TPH2: variants seen among roughly 807,000 people sequenced by gnomAD.
The protein encoded by TPH2 is tryptophan hydroxylase 2.
TPH2 carries 27 observed loss-of-function variants against 59.1 expected under a neutral mutation model. The ratio of observed to expected loss-of-function variants is 0.46; its 90% CI spans 0.34 to 0.63. The LOEUF is 0.63. Ranked by LOEUF, TPH2 falls within the 30% of genes least tolerant of loss-of-function variation. The pLI is 0.01. For missense variants in TPH2, 523 were observed against 588.3 expected (o/e 0.89, Z 1.15); for synonymous variants, 220 against 210.5 (o/e 1.05, Z -0.39).
intron 5 of TPH2, among the ~76,000 whole-genome samples, chr12:71,970,598 T>C (rs73342883): frequency 0.059 from 8,999 of 152,318 alleles, 410 homozygotes; most frequent in South Asian, 0.17. Flanking sequence ...TTAGCTTTAC[T>C]GGCTTACCCA....
intron 9 of TPH2, among the ~76,000 whole-genome samples, chr12:72,030,009 A>G (rs73346807): frequency 0.033 from 5,074 of 152,198 alleles, 269 homozygotes; most frequent in African/African-American, 0.11. Context: ...AGAGGCTGGG[A>G]TAGAGATTGT....
chr12:71,971,728 AG>A (rs1183987097), intron 5 of TPH2, among the ~76,000 whole-genome samples: 1 of 152,208 alleles, frequency 6.6e-6, no homozygotes, highest in African/African-American at 2.4e-5. Context: ...ACCAGTCACT[AG>A]TACACTACTG....
At chr12:72,001,244 T>C (rs1452169972) in intron 8 of TPH2, among the ~76,000 whole-genome samples, 1 of 152,150 alleles carries the variant, frequency 6.6e-6, no homozygotes, top group African/African-American at 2.4e-5. Context: ...GATTTGTTAC[T>C]GGATCTCAGT....
chr12:71,995,006 T>C (rs1253989366), intron 8 of TPH2, among the ~76,000 whole-genome samples: 2 of 152,122 alleles, frequency 1.3e-5, no homozygotes, highest in Non-Finnish European at 2.9e-5. Context: ...ATATTAGTAA[T>C]AGTAAAAGGT....
chr12:72,002,270 G>A (rs1236706592), intron 8 of TPH2, among the ~76,000 whole-genome samples: 1 of 152,136 alleles, frequency 6.6e-6, no homozygotes, highest in East Asian at 1.9e-4. Context: ...AGAAAGAAAG[G>A]GTGGCCAGTG....
chr12:71,977,714 C>A (rs933158667), intron 6 of TPH2, among the ~76,000 whole-genome samples: 1 of 152,104 alleles, frequency 6.6e-6, no homozygotes, highest in African/African-American at 2.4e-5. Flanking sequence ...ATGTCATTCA[C>A]TTAAAGTCGC....
At chr12:72,022,583 T>A in intron 9 of TPH2, 89 bp downstream of exon 9, 1 of 1,003,072 alleles carries the variant, frequency 1.0e-6, no homozygotes, top group Non-Finnish European at 1.6e-6. Context: ...GCATTTCTAC[T>A]CACAGATACT....
chr12:71,998,547 C>G (rs1872748290), intron 8 of TPH2, among the ~76,000 whole-genome samples: 1 of 151,960 alleles, frequency 6.6e-6, no homozygotes. Flanking sequence ...AAAGTAAGCC[C>G]TGGAATAAAT....
At chr12:71,961,477 T>G in intron 5 of TPH2, 1 of 1,295,530 alleles carries the variant, frequency 7.7e-7, no homozygotes, top group South Asian at 1.2e-5. Context: ...AGCTGTGTTC[T>G]GTCTCTTTCA....
chr12:72,031,790 C>G lies in TPH2; in HGVS notation c.*95C>G. The G allele has an allele frequency of 6.9e-7, 1 of 1,455,004 alleles. No homozygotes were observed. The highest frequency in any genetic ancestry group is 9.6e-7 in the Non-Finnish European group (1 of 1,040,546). The allele number at this position is 1,455,004 out of a possible 1,614,324, so 90.1% of individuals were successfully genotyped here. ...ACGCAAATAACCTTCTGTGTCATGGCTTGGCTAATAAGCATGCAATTCCAT... is the reference window on the plus strand; with the variant it reads ...ACGCAAATAACCTTCTGTGTCATGGGTTGGCTAATAAGCATGCAATTCCAT... On this transcript the variant is annotated 3_prime_UTR_variant, in exon 11 of 11. Transcript: ENST00000333850.
chr12:72,002,707 A>G (rs1259208812), intron 8 of TPH2, among the ~76,000 whole-genome samples: 5 of 152,112 alleles, frequency 3.3e-5, no homozygotes, highest in Non-Finnish European at 7.4e-5. Context: ...GTTTTTTGAA[A>G]GGGCGAAATT....
intron 7 of TPH2, among the ~76,000 whole-genome samples, chr12:71,991,308 G>A (rs753828405): frequency 6.6e-6 from 1 of 152,166 alleles, no homozygotes; most frequent in South Asian, 2.1e-4. Context: ...CAAGTTCAAA[G>A]GTAAATTCTG....
At chr12:71,967,873 C>A (rs577412719) in intron 5 of TPH2, among the ~76,000 whole-genome samples, 3 of 152,250 alleles carry the variant, frequency 2.0e-5, no homozygotes, top group Admixed American at 1.3e-4. Flanking sequence ...TGGTCTTTTT[C>A]ATTTAAAAAA....
At chr12:71,996,142 AT>A (rs112339665) in intron 8 of TPH2, among the ~76,000 whole-genome samples, 5 of 152,322 alleles carry the variant, frequency 3.3e-5, no homozygotes, top group Admixed American at 1.3e-4. Flanking sequence ...AGGTTTGGGA[AT>A]TGGCTTCCAA....
intron 8 of TPH2, among the ~76,000 whole-genome samples, chr12:72,009,013 C>T (rs1436905813): frequency 6.6e-6 from 1 of 152,110 alleles, no homozygotes; most frequent in African/African-American, 2.4e-5. Context: ...ATTTACACAT[C>T]AGAGGATATC....
At chr12:71,947,278 A>C (rs529385363) in intron 4 of TPH2, among the ~76,000 whole-genome samples, 1 of 152,240 alleles carries the variant, frequency 6.6e-6, no homozygotes, top group African/African-American at 2.4e-5. Flanking sequence ...TTGATGTATT[A>C]TTTAAAGCTC....
intron 8 of TPH2, among the ~76,000 whole-genome samples, chr12:72,007,396 A>T (rs1872983110): frequency 6.6e-6 from 1 of 152,176 alleles, no homozygotes; most frequent in Non-Finnish European, 1.5e-5. Context: ...GTTCATAAAT[A>T]CATGCAGCCT....
intron 9 of TPH2, among the ~76,000 whole-genome samples, chr12:72,025,200 G>T (rs1186357332): frequency 6.6e-6 from 1 of 152,106 alleles, no homozygotes; most frequent in East Asian, 1.9e-4. Context: ...ACAGTTTTGA[G>T]TGCAGTTACC....
chr12:71,961,315 T>A (rs1227056913), intron 5 of TPH2, among the ~76,000 whole-genome samples: 1 of 152,210 alleles, frequency 6.6e-6, no homozygotes, highest in Non-Finnish European at 1.5e-5. Flanking sequence ...TATGACATAA[T>A]CCATGTAATG....
Sources: allele counts gnomAD v4.1 joint callset (sites outside exome capture counted in the v4.1 genomes callset), GRCh38; gene constraint gnomAD v4.1.1; transcripts MANE v1.5; gene names NCBI Gene and HGNC (gene_info 2026-07-23, HGNC 2026-07-21).